BLVRB: variants seen among roughly 807,000 people sequenced by gnomAD.
BLVRB encodes flavin reductase (NADPH).
In BLVRB, 25 loss-of-function variants were observed where a neutral mutation model predicts 21.1. The ratio of observed to expected loss-of-function variants is 1.19; its 90% CI spans 0.86 to 1.66. The LOEUF (loss-of-function observed/expected upper bound fraction) is 1.66. Ranked by LOEUF, BLVRB falls within the 40% of genes most tolerant of loss-of-function variation. The pLI is 0.00. For synonymous variants in BLVRB, 128 were observed against 122.2 expected (o/e 1.05, Z -0.31); for missense variants, 274 against 282.7 (o/e 0.97, Z 0.22).
intron 3 of BLVRB, among the ~76,000 whole-genome samples, chr19:40,456,399 G>GGT (rs888969220): frequency 8.6e-5 from 13 of 151,282 alleles, no homozygotes; most frequent in Non-Finnish European, 1.8e-4. Context: ...CTCCAGCCTG[G>GGT]GTGACAGAGC....
chr19:40,463,303 A>G (rs1475299186), intron 1 of BLVRB, among the ~76,000 whole-genome samples: 2 of 152,200 alleles, frequency 1.3e-5, no homozygotes, highest in Non-Finnish European at 2.9e-5. Context: ...TACCTCCTAT[A>G]TAAGATCTCA....
intron 4 of BLVRB, 150 bp downstream of exon 4, chr19:40,451,213 GA>G (rs1369304650): frequency 1.8e-5 from 21 of 1,180,518 alleles, no homozygotes; most frequent in Non-Finnish European, 2.0e-5. Context: ...TGTATGCCAG[GA>G]AACAGGGACA....
intron 4 of BLVRB, among the ~76,000 whole-genome samples, chr19:40,450,842 GTATCTATCTATC>G (rs200198444): frequency 1.6e-3 from 236 of 144,736 alleles, no homozygotes; most frequent in East Asian, 2.9e-3. Context: ...CCTGGCCTAT[GTATCTATCTATC>G]TATCTATCTA....
intron 3 of BLVRB, among the ~76,000 whole-genome samples, chr19:40,451,872 A>G (rs898270976): frequency 2.6e-5 from 4 of 152,110 alleles, no homozygotes; most frequent in Non-Finnish European, 1.5e-5. Context: ...AAACCCTGCC[A>G]TGGCTGACCA....
At chr19:40,452,521 C>T (rs935559344) in intron 3 of BLVRB, among the ~76,000 whole-genome samples, 3 of 151,362 alleles carry the variant, frequency 2.0e-5, no homozygotes, top group Non-Finnish European at 4.4e-5. Context: ...CCTCTTGCCA[C>T]CCAGGCTGCA....
chr19:40,455,655 G>A (rs762014944), intron 3 of BLVRB, among the ~76,000 whole-genome samples: 30 of 152,148 alleles, frequency 2.0e-4, no homozygotes, highest in Non-Finnish European at 3.2e-4. Flanking sequence ...CCAAGATCAC[G>A]CCACTGTATT....
At chr19:40,448,158 G>A in intron 4 of BLVRB, 112 bp from the exon 5 acceptor site, 1 of 1,177,428 alleles carries the variant, frequency 8.5e-7, no homozygotes, top group Non-Finnish European at 1.2e-6. Flanking sequence ...CAGCCTGGGT[G>A]GTGTCACAGC....
chr19:40,458,048 A>T, intron 3 of BLVRB, 107 bp downstream of exon 3: 1 of 1,105,410 alleles, frequency 9.0e-7, no homozygotes, highest in African/African-American at 1.5e-5. Flanking sequence ...GGTGTTCAGT[A>T]AATGCACAGT....
At chr19:40,460,876 G>A (rs2079784074) in intron 1 of BLVRB, among the ~76,000 whole-genome samples, 1 of 152,098 alleles carries the variant, frequency 6.6e-6, no homozygotes, top group Non-Finnish European at 1.5e-5. Context: ...GGAGGCTGAG[G>A]CAGAAGAATC....
At chr19:40,461,233 C>T (rs997713722) in intron 1 of BLVRB, among the ~76,000 whole-genome samples, 6 of 152,164 alleles carry the variant, frequency 3.9e-5, no homozygotes, top group African/African-American at 1.4e-4. Flanking sequence ...CTGATCCAGG[C>T]CTACGTCTCC....
Position 40,447,852 on chromosome 19 carries a change from G to A in BLVRB, c.*37C>T, listed in dbSNP as rs1400227795. ...ATTGCCCCCTTCCTTTGCTCCTCAT[G>A]TCCCAGAATGCCACCCTCCCAGATG... On this transcript the variant is annotated 3_prime_UTR_variant, in exon 5 of 5. Transcript: ENST00000263368. The A allele has an allele frequency of 2.9e-5, 46 of 1,593,176 alleles. No individual in the cohort carries two copies. The highest frequency in any genetic ancestry group is 3.9e-5 in the Non-Finnish European group (45 of 1,163,626).
chr19:40,458,576 C>A, intron 1 of BLVRB, 31 bp from the exon 2 acceptor site: 1 of 1,555,024 alleles, frequency 6.4e-7, no homozygotes, highest in South Asian at 1.2e-5. Flanking sequence ...AGAGCCTGGT[C>A]AGTGGGCTGG....
chr19:40,451,479 C>A lies in BLVRB; in HGVS notation c.348G>T (p.Trp116Cys), dbSNP rs1009840902. The A allele has an allele frequency of 9.3e-6, 15 of 1,611,694 alleles. No individual in the cohort carries two copies. Among genetic ancestry groups the A allele is most frequent in the Non-Finnish European group, 1.3e-5 (15 of 1,178,890 alleles). Residue 116 changes from tryptophan (W) to cysteine (C), a missense_variant, in exon 4 of 5, where the codon TGG (tryptophan) becomes TGT (cysteine). By Grantham distance (215) the Trp-to-Cys change is radical (BLOSUM62 -2). Transcript: ENST00000263368. ...VVACTSAFLL[W>C]DPTKVPPRLQ... ...GTCGTGGGGGCACCTTGGTAGGGTC[C>A]CAGAGCAGGAAAGCTGGAGGGAACA...
chr19:40,463,252 A>T (rs2079796067), intron 1 of BLVRB, among the ~76,000 whole-genome samples: 1 of 152,212 alleles, frequency 6.6e-6, no homozygotes, highest in Non-Finnish European at 1.5e-5. Flanking sequence ...TTACCTAAGT[A>T]AGTCTGATCC....
chr19:40,447,860 A>G lies in BLVRB; in HGVS notation c.*29T>C. 6.3e-7 allele frequency: 1 copy of G among 1,596,364 alleles called. No homozygotes were observed. Among genetic ancestry groups the G allele is most frequent in the Non-Finnish European group, 8.6e-7 (1 of 1,165,806 alleles). Reference sequence around the variant, plus strand: ...CTTCCTTTGCTCCTCATGTCCCAGAATGCCACCCTCCCAGATGGGGACAGA... The same window carrying G: ...CTTCCTTTGCTCCTCATGTCCCAGAGTGCCACCCTCCCAGATGGGGACAGA... On this transcript the variant is annotated 3_prime_UTR_variant, in exon 5 of 5. Transcript: ENST00000263368.
intron 1 of BLVRB, among the ~76,000 whole-genome samples, chr19:40,460,275 T>TATATATATATATA (rs1555806375): frequency 1.6e-4 from 22 of 134,404 alleles, no homozygotes; most frequent in African/African-American, 2.9e-4. Flanking sequence ...TATATATATA[T>TATATATATATATA]TTAGAGACAG....
chr19:40,457,164 CAA>C (rs34827058), intron 3 of BLVRB, among the ~76,000 whole-genome samples: 27 of 90,188 alleles, frequency 3.0e-4, no homozygotes, highest in Admixed American at 5.2e-4. Flanking sequence ...CAGAAAGTCT[CAA>C]AAAAAAAAAA....
At chr19:40,451,267 A>G in intron 4 of BLVRB, 97 bp downstream of exon 4, 6 of 1,523,274 alleles carry the variant, frequency 3.9e-6, no homozygotes, top group East Asian at 2.4e-5. Context: ...AAGGTTTGCA[A>G]TTTTAGGGTG....
At chr19:40,449,139 T>C (rs1014846936) in intron 4 of BLVRB, among the ~76,000 whole-genome samples, 4 of 151,902 alleles carry the variant, frequency 2.6e-5, no homozygotes, top group African/African-American at 9.7e-5. Context: ...ATGTTTAATC[T>C]GAATCTGTGA....
Sources: allele counts gnomAD v4.1 joint callset (sites outside exome capture counted in the v4.1 genomes callset), GRCh38; gene constraint gnomAD v4.1.1; transcripts MANE v1.5; gene names NCBI Gene and HGNC (gene_info 2026-07-23, HGNC 2026-07-21).